TRAPPC10: variants seen among roughly 807,000 people sequenced by gnomAD.
The protein encoded by TRAPPC10 is TRAPP 130 kDa subunit.
TRAPPC10 carries 23 observed loss-of-function variants against 125.5 expected under a neutral mutation model. The observed-to-expected ratio is 0.18, with a 90% CI of 0.13 to 0.26. The LOEUF (loss-of-function observed/expected upper bound fraction) is 0.26, where lower values mean the gene tolerates loss of function less well. Ranked by LOEUF, TRAPPC10 falls within the 10% of genes least tolerant of loss-of-function variation. The pLI is 1.00. For missense variants in TRAPPC10, 1,123 were observed against 1,308.4 expected, an observed-to-expected ratio of 0.86 and a Z score of 2.19; for synonymous variants, 509 against 518.0, an observed-to-expected ratio of 0.98 and a Z score of 0.24.
chr21:44,095,974 T>G, intron 20 of TRAPPC10, among the ~76,000 whole-genome samples: 1 of 126,194 alleles, frequency 7.9e-6, no homozygotes, highest in African/African-American at 3.1e-5. Flanking sequence ...TTTGAGCAAC[T>G]GCCAACTTTT....
At chr21:44,031,876 C>T (rs930012732) in intron 1 of TRAPPC10, among the ~76,000 whole-genome samples, 3 of 152,192 alleles carry the variant, frequency 2.0e-5, no homozygotes, top group African/African-American at 7.2e-5. Context: ...ACACCCACCC[C>T]ATGGAGGTGT....
At chr21:44,027,200 T>C (rs2147221225) in intron 1 of TRAPPC10, among the ~76,000 whole-genome samples, 1 of 152,302 alleles carries the variant, frequency 6.6e-6, no homozygotes, top group South Asian at 2.1e-4. Flanking sequence ...TTTTCCAACA[T>C]AAATCTCCAA....
At position 44,033,928 on chromosome 21, in the gene TRAPPC10, T is replaced by G. The variant is rs143550835; in HGVS notation, c.149+1756T>G. On this transcript the variant is annotated intron_variant, in intron 2 of 22. Transcript: ENST00000291574. ...ATTCATCTCTTCCCCTTTCCGAAAC[T>G]CCAGTAAATGGACTACATAAATACT... Among the ~76,000 whole-genome samples the G allele has an allele frequency of 2.9e-3, 442 of 152,012 alleles. 4 individuals are homozygous for G. The highest frequency in any genetic ancestry group is 1.0e-2 in the African/African-American group (414 of 41,466).
intron 18 of TRAPPC10, chr21:44,091,689 C>T (rs572210888): frequency 3.6e-4 from 132 of 367,794 alleles, no homozygotes; most frequent in African/African-American, 1.1e-3. Context: ...CTGCCCACCT[C>T]GGCCTCCCAA....
intron 7 of TRAPPC10, among the ~76,000 whole-genome samples, chr21:44,071,008 TAAAC>T (rs1440695185): frequency 6.6e-6 from 1 of 152,126 alleles, no homozygotes; most frequent in Non-Finnish European, 1.5e-5. Context: ...AGTGGATAAA[TAAAC>T]TGTGGCCAAC....
At chr21:44,088,008 G>T in intron 17 of TRAPPC10, 80 bp downstream of exon 17, 1 of 1,266,094 alleles carries the variant, frequency 7.9e-7, no homozygotes, top group Non-Finnish European at 1.1e-6. Context: ...ATGTAGCGAT[G>T]CCTGCTGTTA....
chr21:44,052,579 A>C, intron 4 of TRAPPC10, 103 bp downstream of exon 4: 4 of 1,131,638 alleles, frequency 3.5e-6, no homozygotes, highest in Non-Finnish European at 5.0e-6. Context: ...ATCTCGAGTG[A>C]GTGTCCATGG....
intron 3 of TRAPPC10, among the ~76,000 whole-genome samples, chr21:44,038,546 A>G (rs547192966): frequency 9.9e-4 from 150 of 152,108 alleles, no homozygotes; most frequent in African/African-American, 3.4e-3. Context: ...TGTGGCCGCC[A>G]CAGCTTTCAC....
chr21:44,055,930 C>G (rs747585608), intron 5 of TRAPPC10, 37 bp downstream of exon 5: 1 of 1,479,038 alleles, frequency 6.8e-7, no homozygotes. Flanking sequence ...AGTTCCTTCT[C>G]TCCTTCCCTC....
intron 4 of TRAPPC10, among the ~76,000 whole-genome samples, chr21:44,053,648 G>A (rs1264695078): frequency 6.6e-6 from 1 of 152,144 alleles, no homozygotes; most frequent in Non-Finnish European, 1.5e-5. Context: ...TGCTAGTTAC[G>A]AGGCTGGTAG....
At chr21:44,038,225 G>T (rs1334609241) in intron 3 of TRAPPC10, among the ~76,000 whole-genome samples, 2 of 152,186 alleles carry the variant, frequency 1.3e-5, no homozygotes, top group Admixed American at 6.5e-5. Context: ...TTGCGTGTTT[G>T]CGCCCTGGTC....
chr21:44,052,549 T>C (rs1343225648), intron 4 of TRAPPC10, 73 bp downstream of exon 4: 1 of 1,385,226 alleles, frequency 7.2e-7, no homozygotes, highest in Non-Finnish European at 9.9e-7. Context: ...TCCTGGGTAG[T>C]AATAAATATT....
intron 11 of TRAPPC10, 143 bp from the exon 12 acceptor site, chr21:44,079,421 T>G: frequency 1.3e-6 from 1 of 797,854 alleles, no homozygotes. Context: ...CGGAGTGGGG[T>G]GGGTGGAAAA....
chr21:44,094,245 A>G lies in TRAPPC10; in HGVS notation c.3168+12A>G. The G allele has an allele frequency of 6.6e-7, 1 of 1,519,782 alleles. No homozygotes were observed. The highest frequency in any genetic ancestry group is 8.8e-7 in the Non-Finnish European group (1 of 1,141,316). 94.1% of individuals were successfully genotyped at this position (1,519,782 alleles called of 1,614,324 possible). A position where few individuals can be genotyped will look rare whatever the true frequency, so the allele number is the denominator to read the frequency against. On this transcript the variant is annotated intron_variant, in intron 20 of 22. Transcript: ENST00000291574. ...TGGAAAATTTTTTTGTAAGTGATGT[A>G]TTATTTTGGGAGGGTGGGGGTGAAA... is the stretch of plus-strand genomic sequence containing the variant.
At chr21:44,044,972 C>A (rs944056792) in intron 3 of TRAPPC10, among the ~76,000 whole-genome samples, 2 of 151,662 alleles carry the variant, frequency 1.3e-5, no homozygotes, top group East Asian at 3.9e-4. Context: ...ATTTACCCAC[C>A]CAGTTTCCAT....
At position 44,069,605 on chromosome 21, in the gene TRAPPC10, G is replaced by A. The variant is rs549548932; in HGVS notation, c.1039-4719G>A. ...CTGTTTGCGATATCTAATGGGTATC[G>A]CCATTACAACACATGCCCCGTGACC... On this transcript the variant is annotated intron_variant, in intron 7 of 22. Transcript: ENST00000291574. 3.9e-5 allele frequency among the ~76,000 whole-genome samples: 6 copies of A among 152,210 alleles called. No homozygotes were observed. The South Asian group carries it at 8.3e-4, about 21-fold the overall frequency.
chr21:44,088,056 G>A (rs931360651), intron 17 of TRAPPC10, 128 bp downstream of exon 17: 14 of 791,530 alleles, frequency 1.8e-5, no homozygotes, highest in Non-Finnish European at 2.8e-5. Context: ...CTGGGCATGT[G>A]TTTAGCAGTT....
intron 5 of TRAPPC10, among the ~76,000 whole-genome samples, chr21:44,058,681 AGAGG>A: frequency 6.6e-6 from 1 of 151,274 alleles, no homozygotes; most frequent in Admixed American, 6.6e-5. Context: ...TCCGTCATGG[AGAGG>A]GAATAGTGAG....
At position 44,063,548 on chromosome 21, in the gene TRAPPC10, C is replaced by T; in HGVS notation, c.801C>T (p.Asn267=). The change falls in exon 7 of 23, where the codon AAC becomes AAT. Residue 267 remains asparagine, a synonymous_variant. Transcript: ENST00000291574. This position sits in a 1 kb window ranked among gnomAD's most constrained non-coding sequence, Gnocchi z 4.4. ...TGTGTGTTTGTTTAGATGGTGCCAA[C>T]TGGCTGACTTTTTTCTGCCAGCCAG... is the stretch of plus-strand genomic sequence containing the variant. The part of the protein sequence containing the change: ...VVNFGAGDGA[N]WLTFFCQPVK... 1 of 1,614,204 alleles carries T rather than the reference C, an allele frequency of 6.2e-7. No homozygotes were observed. Among genetic ancestry groups the T allele is most frequent in the Non-Finnish European group, 8.5e-7 (1 of 1,180,022 alleles).
Sources: allele counts gnomAD v4.1 joint callset (sites outside exome capture counted in the v4.1 genomes callset), GRCh38; gene constraint gnomAD v4.1.1; non-coding constraint Gnocchi (gnomAD v3.1); transcripts MANE v1.5; gene names NCBI Gene and HGNC (gene_info 2026-07-23, HGNC 2026-07-21).